DLG2: variants seen among roughly 807,000 people sequenced by gnomAD.
The protein encoded by DLG2 is disks large homolog 2.
A neutral mutation model predicts 132.5 loss-of-function variants in DLG2; 45 were observed. The ratio of observed to expected loss-of-function variants is 0.34; its 90% CI spans 0.27 to 0.44. The LOEUF (loss-of-function observed/expected upper bound fraction) is 0.44, where lower values mean the gene tolerates loss of function less well. DLG2 is among the 20% of genes least tolerant of loss of function. The probability of loss-of-function intolerance (pLI) is 1.00; values close to 1 mark genes in which losing one functional copy is unlikely to be tolerated. For missense variants in DLG2, 1,045 were observed against 1,196.9 expected (o/e 0.87, Z 1.87); for synonymous variants, 424 against 419.6 (o/e 1.01, Z -0.13).
intron 5 of DLG2, among the ~76,000 whole-genome samples, chr11:85,124,688 A>C (rs903058615): frequency 6.6e-6 from 1 of 152,246 alleles, no homozygotes; most frequent in Non-Finnish European, 1.5e-5. Flanking sequence ...TCAGGTAGCT[A>C]TAATCATGGG....
rs1045002776 is a variant in DLG2, at chr11:84,043,092, C to T, written c.919+16223G>A. 2.0e-5 allele frequency among the ~76,000 whole-genome samples: 3 copies of T among 149,858 alleles called. No individual in the cohort carries two copies. In the Admixed American group the frequency reaches 2.0e-4, roughly 10 times the overall value. ...TTAAACTTGGCCATCTTATTTATTGCCTAAATAAATTAATTAAAAATTTAT... is the reference window on the plus strand; with the variant it reads ...TTAAACTTGGCCATCTTATTTATTGTCTAAATAAATTAATTAAAAATTTAT... On this transcript the variant is annotated intron_variant, in intron 11 of 27. Transcript: ENST00000376104.
intron 6 of DLG2, among the ~76,000 whole-genome samples, chr11:84,555,697 G>A (rs1296794151): frequency 1.3e-5 from 2 of 152,164 alleles, no homozygotes; most frequent in Non-Finnish European, 2.9e-5. Context: ...AGGATATAAA[G>A]TTTCAGATTT....
intron 7 of DLG2, among the ~76,000 whole-genome samples, chr11:84,531,353 T>A (rs2099339506): frequency 1.3e-5 from 2 of 152,106 alleles, no homozygotes; most frequent in East Asian, 3.9e-4. Flanking sequence ...AGGGTGAGGA[T>A]TGAAAAACTA....
intron 6 of DLG2, among the ~76,000 whole-genome samples, chr11:84,987,369 A>T (rs771550426): frequency 1.3e-5 from 2 of 152,148 alleles, no homozygotes; most frequent in Non-Finnish European, 2.9e-5. Context: ...AATTCAACAA[A>T]ATTACCATCA....
intron 8 of DLG2, among the ~76,000 whole-genome samples, chr11:84,171,618 A>C (rs1037827419): frequency 1.5e-4 from 23 of 152,056 alleles, no homozygotes; most frequent in African/African-American, 5.6e-4. Flanking sequence ...TTATCCAATC[A>C]CCCACTGATG....
intron 3 of DLG2, among the ~76,000 whole-genome samples, chr11:85,516,974 A>G (rs913468993): frequency 3.3e-5 from 5 of 152,052 alleles, no homozygotes; most frequent in African/African-American, 1.2e-4. Flanking sequence ...TAACAAAAAA[A>G]AGGAAAAACT....
intron 3 of DLG2, among the ~76,000 whole-genome samples, chr11:85,418,133 G>A (rs2090015088): frequency 6.6e-6 from 1 of 151,272 alleles, no homozygotes; most frequent in Non-Finnish European, 1.5e-5. Context: ...TTCTGATACA[G>A]TACACTTTGT....
intron 3 of DLG2, among the ~76,000 whole-genome samples, chr11:85,344,737 T>C (rs998551733): frequency 1.3e-5 from 2 of 152,198 alleles, no homozygotes; most frequent in African/African-American, 2.4e-5. Context: ...ATTTTATAAC[T>C]TGATTGATTT....
intron 3 of DLG2, among the ~76,000 whole-genome samples, chr11:85,458,570 G>A (rs2092495916): frequency 1.3e-5 from 2 of 152,196 alleles, no homozygotes; most frequent in African/African-American, 4.8e-5. Flanking sequence ...TCTGATAACT[G>A]ACGTGTAGTT....
intron 8 of DLG2, among the ~76,000 whole-genome samples, chr11:84,169,888 AT>A (rs1044029609): frequency 6.9e-6 from 1 of 145,464 alleles, no homozygotes; most frequent in African/African-American, 2.5e-5. Flanking sequence ...AAAAAAAAAA[AT>A]CTCAACTAAA....
chr11:84,097,485 C>T (rs2097181498), intron 10 of DLG2, among the ~76,000 whole-genome samples: 1 of 152,168 alleles, frequency 6.6e-6, no homozygotes, highest in Non-Finnish European at 1.5e-5. Flanking sequence ...AGCTCTTTGG[C>T]TATACATCTT....
At chr11:84,985,836 A>T (rs897414052) in intron 6 of DLG2, among the ~76,000 whole-genome samples, 1 of 151,850 alleles carries the variant, frequency 6.6e-6, no homozygotes, top group Non-Finnish European at 1.5e-5. Flanking sequence ...CTACAAAAAT[A>T]CAAAAATTAG....
intron 8 of DLG2, among the ~76,000 whole-genome samples, chr11:84,209,629 T>A (rs200832535): frequency 5.0e-5 from 7 of 139,526 alleles, no homozygotes; most frequent in Non-Finnish European, 9.6e-5. Context: ...AAAAAAAAAA[T>A]TTGTTCGTGA....
chr11:84,097,269 T>G (rs1189630562), intron 10 of DLG2, among the ~76,000 whole-genome samples: 1 of 152,186 alleles, frequency 6.6e-6, no homozygotes, highest in African/African-American at 2.4e-5. Context: ...TAGCCCAGTT[T>G]TACCAAGAAT....
At chr11:84,134,149 G>C (rs2094517995) in intron 9 of DLG2, among the ~76,000 whole-genome samples, 1 of 151,996 alleles carries the variant, frequency 6.6e-6, no homozygotes, top group African/African-American at 2.4e-5. Flanking sequence ...GGAAGGAATG[G>C]GGTGACTGCC....
intron 6 of DLG2, among the ~76,000 whole-genome samples, chr11:84,643,878 A>G (rs2099671204): frequency 6.6e-6 from 1 of 152,206 alleles, no homozygotes; most frequent in Admixed American, 6.5e-5. Flanking sequence ...AAGCCCTACC[A>G]TGTGTTGAAT....
chr11:84,414,538 T>G (rs941670827), intron 7 of DLG2, among the ~76,000 whole-genome samples: 9 of 152,204 alleles, frequency 5.9e-5, no homozygotes, highest in African/African-American at 1.9e-4. Context: ...AAATGGGTAT[T>G]ATATTCGGAC....
chr11:84,685,485 C>G (rs2099737302), intron 6 of DLG2, among the ~76,000 whole-genome samples: 2 of 152,174 alleles, frequency 1.3e-5, no homozygotes, highest in South Asian at 4.1e-4. Context: ...GCCTATCTCC[C>G]AGATCCAATA....
intron 3 of DLG2, among the ~76,000 whole-genome samples, chr11:85,520,733 G>T (rs951294161): frequency 1.3e-5 from 2 of 151,930 alleles, no homozygotes; most frequent in Non-Finnish European, 2.9e-5. Context: ...ACTCATTTTT[G>T]AAAAAGATGC....
Sources: allele counts gnomAD v4.1 joint callset (sites outside exome capture counted in the v4.1 genomes callset), GRCh38; gene constraint gnomAD v4.1.1; transcripts MANE v1.5; gene names NCBI Gene and HGNC (gene_info 2026-07-23, HGNC 2026-07-21).